The following ATP10B variants were observed in gnomAD, a reference collection of about 807,000 sequenced individuals.
ATP10B encodes the protein ATPase phospholipid transporting 10B (putative), also known as phospholipid-transporting ATPase VB.
In ATP10B, 122 loss-of-function variants were observed where a neutral mutation model predicts 141.2. The ratio of observed to expected loss-of-function variants is 0.86; its 90% CI spans 0.75 to 1.00. The LOEUF is 1.00. ATP10B is among the 50% of genes least tolerant of loss of function. The pLI is 0.00. For synonymous variants in ATP10B, 685 were observed against 692.0 expected (o/e 0.99, Z 0.16); for missense variants, 1,876 against 1,825.3 (o/e 1.03, Z -0.51).
chr5:160,570,088 T>C (rs902631646), intron 24 of ATP10B, among the ~76,000 whole-genome samples: 2 of 152,302 alleles, frequency 1.3e-5, no homozygotes, highest in Admixed American at 1.3e-4. Context: ...AGTTTATTCA[T>C]TTTCAAAGCA....
In ATP10B at chr5:160,569,927, A is replaced by G. The variant is rs76731600; in HGVS notation, c.3751-244T>C. 6.6e-3 allele frequency among the ~76,000 whole-genome samples: 1,003 copies of G among 152,284 alleles called. 9 individuals are homozygous for G. Among genetic ancestry groups the G allele is most frequent in the African/African-American group, 0.023 (943 of 41,562 alleles). On this transcript the variant is annotated intron_variant, in intron 24 of 25. Transcript: ENST00000327245. ...ACCCCTGCTTTTGGTGATAATTTCT[A>G]TGCTATCCTTTGTAGGTTTACCACC...
At chr5:160,640,265 G>T (rs1759738599) in intron 10 of ATP10B, among the ~76,000 whole-genome samples, 196 bp downstream of exon 10, 1 of 152,172 alleles carries the variant, frequency 6.6e-6, no homozygotes, top group Admixed American at 6.5e-5. Context: ...AATATCAGAT[G>T]ATATTCTGAA....
chr5:160,892,871 G>C, the ATP10B span, among the ~76,000 whole-genome samples: 1 of 152,174 alleles, frequency 6.6e-6, no homozygotes, highest in African/African-American at 2.4e-5. Context: ...GGACCAGTTA[G>C]ACAGTTGGTG....
intron 2 of ATP10B, among the ~76,000 whole-genome samples, chr5:160,775,307 A>G (rs1475745345): frequency 6.6e-6 from 1 of 152,210 alleles, no homozygotes; most frequent in African/African-American, 2.4e-5. Flanking sequence ...TGAAAATGCA[A>G]CTAAGCAGAG....
rs76327344 is a variant in ATP10B at position 160,778,336 on chromosome 5, A to G, written c.-331+7223T>C. 6.0e-3 allele frequency among the ~76,000 whole-genome samples: 912 copies of G among 152,340 alleles called. 8 individuals are homozygous for G. Among genetic ancestry groups the G allele is most frequent in the African/African-American group, 0.018 (753 of 41,574 alleles). ...CACAGTGGAGACCACAGCTCCAAGG[A>G]TGGAAGAAAGACTGCTCCAGTCCTC... On this transcript the variant is annotated intron_variant, in intron 2 of 25. Coordinates refer to ENST00000327245, the MANE Select transcript of ATP10B (RefSeq NM_025153.3).
At chr5:160,850,921 A>G (rs1232225489) in intron 1 of ATP10B, among the ~76,000 whole-genome samples, 4 of 152,222 alleles carry the variant, frequency 2.6e-5, no homozygotes, top group Non-Finnish European at 5.9e-5. Context: ...TATTAAGAGT[A>G]ATTATAGTAA....
rs1759002904 is a variant in ATP10B, at chr5:160,632,449, G to T, written c.1382-82C>A. On this transcript the variant is annotated intron_variant, in intron 12 of 25. Transcript: ENST00000327245. ...GGAAAACCTAGACTTTGTGTGGGGGGTGGTAAGAGCATGGGAAGGGCCTAT... is the reference window on the plus strand; with the variant it reads ...GGAAAACCTAGACTTTGTGTGGGGGTTGGTAAGAGCATGGGAAGGGCCTAT... 8.2e-6 allele frequency: 11 copies of T among 1,342,536 alleles called. No individual in the cohort carries two copies. The South Asian group carries it at 1.1e-4, about 14-fold the overall frequency. 83.2% of individuals were successfully genotyped at this position (1,342,536 alleles called of 1,614,324 possible).
Position 160,565,463 on chromosome 5 carries a change from A to C in ATP10B, c.4376T>G (p.Leu1459Arg), listed in dbSNP as rs1030488800. The change falls in exon 26 of 26, where the codon CTG becomes CGG. Residue 1459 changes from leucine (L) to arginine (R), a missense_variant. Physicochemically the swap from Leu to Arg is moderately radical, Grantham distance 102. Transcript: ENST00000327245. ...RSSHRRSQSSLTI is the reference protein window; with the variant it reads ...RSSHRRSQSSRTI Reference sequence around the variant, plus strand: ...GATTTCTGCAGCTCCTCATATGGTCAGTGAACTCTGGGATCGGCGATGGCT... The same window carrying C: ...GATTTCTGCAGCTCCTCATATGGTCCGTGAACTCTGGGATCGGCGATGGCT... The C allele has an allele frequency of 6.2e-7, 1 of 1,614,050 alleles. No homozygotes were observed. The highest frequency in any genetic ancestry group is 8.5e-7 in the Non-Finnish European group (1 of 1,179,930).
intron 1 of ATP10B, among the ~76,000 whole-genome samples, chr5:160,786,765 C>A (rs1227293997): frequency 6.6e-6 from 1 of 152,126 alleles, no homozygotes; most frequent in African/African-American, 2.4e-5. Flanking sequence ...TATGCACACA[C>A]ACATACTCTA....
the ATP10B span, among the ~76,000 whole-genome samples, chr5:160,929,016 A>G: frequency 6.6e-6 from 1 of 152,126 alleles, no homozygotes; most frequent in Non-Finnish European, 1.5e-5. Flanking sequence ...TCCCAAATAG[A>G]TAGAGGATTG....
At chr5:160,686,370 C>T (rs371915217) in intron 5 of ATP10B, 97 bp from the exon 6 acceptor site, 2 of 882,352 alleles carry the variant, frequency 2.3e-6, no homozygotes, top group Non-Finnish European at 3.3e-6. Context: ...ATCAATTAAA[C>T]CTTCTCTTTC....
intron 6 of ATP10B, among the ~76,000 whole-genome samples, chr5:160,677,327 T>C (rs759926939): frequency 6.6e-6 from 1 of 152,104 alleles, no homozygotes; most frequent in Non-Finnish European, 1.5e-5. Flanking sequence ...ACCTGCAAAA[T>C]GGATGCTTCA....
chr5:160,859,738 TG>T, the ATP10B span, among the ~76,000 whole-genome samples: 2 of 151,934 alleles, frequency 1.3e-5, no homozygotes, highest in African/African-American at 4.8e-5. Flanking sequence ...CACTGGTGAC[TG>T]GTGACTAGAT....
chr5:160,839,389 A>C (rs573852680), intron 1 of ATP10B, among the ~76,000 whole-genome samples: 7 of 152,266 alleles, frequency 4.6e-5, no homozygotes, highest in African/African-American at 1.7e-4. Flanking sequence ...GAAAAGTCTT[A>C]TGGGCCATGG....
At chr5:160,654,699 T>A (rs1262428743) in intron 7 of ATP10B, among the ~76,000 whole-genome samples, 1 of 151,430 alleles carries the variant, frequency 6.6e-6, no homozygotes, top group African/African-American at 2.5e-5. Flanking sequence ...GTCATTGTCG[T>A]CATCGTCATC....
intron 1 of ATP10B, among the ~76,000 whole-genome samples, chr5:160,818,029 T>C (rs887089223): frequency 4.6e-5 from 7 of 152,042 alleles, no homozygotes; most frequent in African/African-American, 1.2e-4. Flanking sequence ...AATGTTAGAC[T>C]TAAAACCATA....
the ATP10B span, among the ~76,000 whole-genome samples, chr5:160,914,557 G>A: frequency 6.6e-6 from 1 of 151,988 alleles, no homozygotes; most frequent in Non-Finnish European, 1.5e-5. Context: ...TGGTTTTTTT[G>A]TATTATTTGT....
chr5:160,828,450 A>G (rs1266854989), intron 1 of ATP10B, among the ~76,000 whole-genome samples: 6 of 151,996 alleles, frequency 3.9e-5, no homozygotes, highest in South Asian at 2.1e-4. Context: ...AAAGACACAT[A>G]AAAAAATGCT....
the ATP10B span, among the ~76,000 whole-genome samples, chr5:160,910,201 C>CT: frequency 0.015 from 2,243 of 152,198 alleles, 53 homozygotes; most frequent in African/African-American, 0.051. Context: ...TCCTGAGTTG[C>CT]TCCCCTATCC....
Sources: gnomAD v4.1 joint callset for allele counts (sites outside exome capture counted in the v4.1 genomes callset) on GRCh38, gnomAD v4.1.1 for gene constraint, MANE v1.5 for transcripts, NCBI Gene and HGNC (gene_info 2026-07-23, HGNC 2026-07-21) for gene names.